The following HK3 variants were observed in gnomAD, a reference collection of about 807,000 sequenced individuals.
HK3 encodes hexokinase-3.
HK3 carries 93 observed loss-of-function variants against 91.0 expected under a neutral mutation model. The ratio of observed to expected loss-of-function variants is 1.02; its 90% CI spans 0.86 to 1.21. The LOEUF is 1.21. Ranked by LOEUF, HK3 falls within the 50% of genes most tolerant of loss-of-function variation. The probability of loss-of-function intolerance (pLI) is 0.00; values close to 1 mark genes in which losing one functional copy is unlikely to be tolerated. For synonymous variants in HK3, 519 were observed against 516.9 expected (o/e 1.00, Z -0.06); for missense variants, 1,235 against 1,247.4 (o/e 0.99, Z 0.15).
At chr5:176,893,564 T>C (rs1758831443) in intron 2 of HK3, among the ~76,000 whole-genome samples, 1 of 152,146 alleles carries the variant, frequency 6.6e-6, no homozygotes, top group African/African-American at 2.4e-5. Flanking sequence ...GATTTGTTGA[T>C]TGGATGGTTG....
chr5:176,891,085 G>C lies in HK3; in HGVS notation c.366C>G (p.Ser122Arg), dbSNP rs147960651. Residue 122 changes from serine (S) to arginine (R), a missense_variant, in exon 4 of 19, where the codon AGC (serine) becomes AGG (arginine). By Grantham distance (110) the Ser-to-Arg change is moderately radical. This residue lies in a region of HK3 where 717 missense variants were observed against 751.6 expected (regional missense o/e 0.95). Transcript: ENST00000292432. ...GIEGHRVEPR[S>R]QEFVIPQEVM... ...CCTCTTGGGGGATCACAAACTCCTG[G>C]CTTCTGGGCTCCACCCTATGCCCCT... 6.8e-6 allele frequency: 11 copies of C among 1,614,102 alleles called. No individual in the cohort carries two copies. Among genetic ancestry groups the C allele is most frequent in the Non-Finnish European group, 9.3e-6 (11 of 1,180,028 alleles).
At chr5:176,882,244 A>G (rs1758457749) in intron 15 of HK3, 117 bp from the exon 16 acceptor site, 1 of 1,063,150 alleles carries the variant, frequency 9.4e-7, no homozygotes, top group East Asian at 2.6e-5. Flanking sequence ...TCTCATGCTC[A>G]CAGCCTGTCC....
chr5:176,896,957 A>G (rs1336482723), intron 1 of HK3, among the ~76,000 whole-genome samples: 2 of 145,994 alleles, frequency 1.4e-5, no homozygotes, highest in African/African-American at 2.8e-5. Context: ...GTGGGTTTTA[A>G]CAGTGAAGTG....
chr5:176,886,282 G>A (rs1189367923), intron 13 of HK3, among the ~76,000 whole-genome samples: 1 of 151,910 alleles, frequency 6.6e-6, no homozygotes, highest in Non-Finnish European at 1.5e-5. Flanking sequence ...CAGGAGCAGG[G>A]GGTGAAAATC....
In HK3 at chr5:176,881,164, A is replaced by T; in HGVS notation, c.2681T>A (p.Val894Asp). 16 of 1,613,124 alleles carry T rather than the reference A, an allele frequency of 9.9e-6. No homozygotes were observed. Among genetic ancestry groups the T allele is most frequent in the Non-Finnish European group, 1.1e-5 (13 of 1,179,926 alleles). Residue 894 changes from valine to aspartate, a missense_variant, in exon 19 of 19, where the codon GTC becomes GAC. This residue lies in a region of HK3 where 513 missense variants were observed against 477.4 expected (regional missense o/e 1.07). Transcript: ENST00000292432. Reference protein sequence around the residue: ...TVRELAPRCVVTFLQSEDGSG... With the variant: ...TVRELAPRCVDTFLQSEDGSG... The stretch of plus-strand genomic sequence containing the variant: ...CCCATCCTCTGACTGCAGGAACGTG[A>T]CCACACAGCGAGGGGCCAGCTCCCG...
At position 176,887,613 on chromosome 5, in the gene HK3, G is replaced by A. The variant is rs376532514; in HGVS notation, c.1438C>T (p.Arg480Trp). ...TAVAARLAAHRRLLEETLAPF... is the reference protein window; with the variant it reads ...TAVAARLAAHWRLLEETLAPF... ...GCCAGGGTCTCCTCCAGCAGGCGCC[G>A]GTGGGCAGCCAGACGGGCAGCCACG... The change falls in exon 11 of 19, where the codon CGG becomes TGG. Residue 480 changes from arginine to tryptophan, a missense_variant. Arg to Trp is a moderately radical substitution (Grantham distance 101, BLOSUM62 -3). Coordinates refer to ENST00000292432, the MANE Select transcript of HK3 (RefSeq NM_002115.3). This position sits in a 1 kb window ranked among gnomAD's most constrained non-coding sequence, Gnocchi z 4.9. 31 of 1,613,738 alleles carry A rather than the reference G, an allele frequency of 1.9e-5. No homozygotes were observed. Among genetic ancestry groups the A allele is most frequent in the East Asian group, 2.2e-5 (1 of 44,872 alleles).
At position 176,881,319 on chromosome 5, in the gene HK3, G is replaced by A; in HGVS notation, c.2610C>T (p.Leu870=). 1 of 1,613,902 alleles carries A rather than the reference G, an allele frequency of 6.2e-7. No homozygotes were observed. The highest frequency in any genetic ancestry group is 1.3e-5 in the African/African-American group (1 of 75,048). Residue 870 remains leucine (L), a synonymous_variant, in exon 18 of 19, where the codon CTC becomes CTT. Transcript: ENST00000292432. ...AGACTCACCGCGGGTGCAGCTTGTA[G>A]AGCGTTCCATCCACCCCCACAGACA... ...LAVSVGVDGT[L]YKLHPRFSSL...
intron 9 of HK3, 30 bp from the exon 10 acceptor site, chr5:176,888,595 T>C (rs2149375581): frequency 1.3e-6 from 2 of 1,597,068 alleles, no homozygotes; most frequent in Non-Finnish European, 1.7e-6. Flanking sequence ...GGTTTGGGGC[T>C]CAGCCCAGAA....
chr5:176,886,211 C>G (rs1287484326), intron 13 of HK3, among the ~76,000 whole-genome samples: 1 of 151,212 alleles, frequency 6.6e-6, no homozygotes, highest in African/African-American at 2.4e-5. Flanking sequence ...CCAACCTGGG[C>G]GACAGAGTGA....
intron 15 of HK3, among the ~76,000 whole-genome samples, chr5:176,883,457 TG>T (rs1758496809): frequency 6.6e-6 from 1 of 152,194 alleles, no homozygotes; most frequent in Non-Finnish European, 1.5e-5. Context: ...TCTGGTGACT[TG>T]CCCAAGGTCA....
intron 15 of HK3, among the ~76,000 whole-genome samples, chr5:176,882,522 G>T (rs1758467731): frequency 1.3e-5 from 2 of 152,206 alleles, no homozygotes; most frequent in South Asian, 4.1e-4. Context: ...AGAGGTGCTG[G>T]GCCAAGAGCA....
In HK3 at chr5:176,887,888, G is replaced by A; in HGVS notation, c.1305-142C>T. 1.4e-6 allele frequency: 1 copy of A among 737,860 alleles called. No homozygotes were observed. 45.7% of individuals were successfully genotyped at this position (737,860 alleles called of 1,614,324 possible). A position where few individuals can be genotyped will look rare whatever the true frequency, so the allele number is the denominator to read the frequency against. ...CCCCTAGGGCCTCCTGAAGCCCAAGGCCCCATCACTTTTTTTTTTTTATTT... is the reference window on the plus strand; with the variant it reads ...CCCCTAGGGCCTCCTGAAGCCCAAGACCCCATCACTTTTTTTTTTTTATTT... On this transcript the variant is annotated intron_variant, in intron 10 of 18. Transcript: ENST00000292432. This position sits in a 1 kb window ranked among gnomAD's most constrained non-coding sequence, Gnocchi z 4.9.
intron 6 of HK3, 23 bp downstream of exon 6, chr5:176,890,612 C>T: frequency 6.2e-7 from 1 of 1,608,042 alleles, no homozygotes; most frequent in Non-Finnish European, 8.5e-7. Flanking sequence ...GGCAGCCCTC[C>T]TGTCACCCCT....
In HK3 at chr5:176,891,327, C is replaced by T. The variant is rs752476068; in HGVS notation, c.259+61G>A. The T allele has an allele frequency of 7.8e-5, 125 of 1,607,112 alleles. No homozygotes were observed. The African/African-American group carries it at 1.5e-3, about 20-fold the overall frequency. Reference sequence around the variant, plus strand: ...GGGGGACAGGAATAAGGAACGTTTCCCTCCCCTAGATCAGTACCCTCTTCC... The same window carrying T: ...GGGGGACAGGAATAAGGAACGTTTCTCTCCCCTAGATCAGTACCCTCTTCC... On this transcript the variant is annotated intron_variant, in intron 3 of 18. Coordinates refer to ENST00000292432, the MANE Select transcript of HK3 (RefSeq NM_002115.3).
At chr5:176,882,787 C>T (rs1304055785) in intron 15 of HK3, among the ~76,000 whole-genome samples, 3 of 152,214 alleles carry the variant, frequency 2.0e-5, no homozygotes, top group African/African-American at 7.2e-5. Context: ...CGTCTCCTTC[C>T]TTTCTCTGAC....
In HK3 at chr5:176,889,675, C is replaced by G. The variant is rs777300098; in HGVS notation, c.700G>C (p.Val234Leu). 2 of 1,614,096 alleles carry G rather than the reference C, an allele frequency of 1.2e-6. No individual in the cohort carries two copies. Among genetic ancestry groups the G allele is most frequent in the East Asian group, 2.2e-5 (1 of 44,884 alleles). ...ACTAGCCCAACCTCACACGGCCTGA[C>G]CCCCGGCTCACAGCCCATCATGGTG... ...VGTMMGCEPG[V>L]RPCEVGLVVD... Residue 234 changes from valine to leucine, a missense_variant, in exon 7 of 19, where the codon GTC (valine) becomes CTC (leucine). Transcript: ENST00000292432.
rs149461815 is a variant in HK3, at chr5:176,891,435, G to A, written c.212C>T (p.Ala71Val). ...ALRGQASPAPAVRMLPTYVGS... is the reference protein window; with the variant it reads ...ALRGQASPAPVVRMLPTYVGS... ...CACGTATGTAGGCAGCATCCGGACC[G>A]CAGGGGCAGGGCTGGCCTGTCCCCT... is the stretch of plus-strand genomic sequence containing the variant. Residue 71 changes from alanine (A) to valine (V), a missense_variant, in exon 3 of 19, where the codon GCG becomes GTG. Transcript: ENST00000292432. The A allele has an allele frequency of 1.9e-5, 31 of 1,613,940 alleles. No homozygotes were observed. The highest frequency in any genetic ancestry group is 1.2e-4 in the Admixed American group (7 of 60,014).
rs558702501 is a variant in HK3 at position 176,887,884 on chromosome 5, C to T, written c.1305-138G>A. ...CAGACCCCTAGGGCCTCCTGAAGCCCAAGGCCCCATCACTTTTTTTTTTTT... is the reference window on the plus strand; with the variant it reads ...CAGACCCCTAGGGCCTCCTGAAGCCTAAGGCCCCATCACTTTTTTTTTTTT... On this transcript the variant is annotated intron_variant, in intron 10 of 18. Transcript: ENST00000292432. The surrounding 1 kb of genome is among the most constrained non-coding windows in gnomAD (Gnocchi z 4.9). 6 of 763,090 alleles carry T rather than the reference C, an allele frequency of 7.9e-6. No individual in the cohort carries two copies. In the African/African-American group the frequency reaches 8.8e-5, roughly 11 times the overall value. The allele number at this position is 763,090 out of a possible 1,614,324, so 47.3% of individuals were successfully genotyped here. A position where few individuals can be genotyped will look rare whatever the true frequency, so the allele number is the denominator to read the frequency against.
Position 176,882,000 on chromosome 5 carries a change from G to A in HK3, c.2181C>T (p.Leu727=). ...AFGDDGSLAM[L]STRFDASVDQ... The stretch of plus-strand genomic sequence containing the variant: ...CCACACTTGCATCAAAGCGGGTGCT[G>A]AGCATGGCCAGAGAGCCATCGTCCC... Residue 727 remains leucine, a synonymous_variant, in exon 16 of 19, where the codon CTC becomes CTT. Transcript: ENST00000292432. The A allele has an allele frequency of 6.2e-7, 1 of 1,613,496 alleles. No individual in the cohort carries two copies. Among genetic ancestry groups the A allele is most frequent in the Non-Finnish European group, 8.5e-7 (1 of 1,180,032 alleles).
Sources: gnomAD v4.1 joint callset for allele counts (sites outside exome capture counted in the v4.1 genomes callset) on GRCh38, gnomAD v4.1.1 for gene constraint, gnomAD v4.1.1 regional missense constraint, Gnocchi (gnomAD v3.1) non-coding constraint, MANE v1.5 for transcripts, NCBI Gene and HGNC (gene_info 2026-07-23, HGNC 2026-07-21) for gene names.